Variants in PLEKHA6 observed in about 807,000 individuals in gnomAD.
The protein encoded by PLEKHA6 is pleckstrin homology domain containing A6.
In PLEKHA6, 60 loss-of-function variants were observed where a neutral mutation model predicts 116.7. The ratio of observed to expected loss-of-function variants is 0.51; its 90% CI spans 0.42 to 0.64. PLEKHA6 has a LOEUF of 0.64. Ranked by LOEUF, PLEKHA6 falls within the 30% of genes least tolerant of loss-of-function variation. The pLI, the probability that PLEKHA6 is intolerant of heterozygous loss-of-function variation, is 0.00. For synonymous variants in PLEKHA6, 489 were observed against 556.1 expected (o/e 0.88, Z 1.70); for missense variants, 1,338 against 1,422.7 (o/e 0.94, Z 0.96).
intron 1 of PLEKHA6, among the ~76,000 whole-genome samples, chr1:204,303,051 C>T (rs1334621631): frequency 6.6e-6 from 1 of 152,182 alleles, no homozygotes; most frequent in African/African-American, 2.4e-5. Context: ...TCTTTCCCCC[C>T]TCTGCTAGTT....
chr1:204,257,526 G>C lies in PLEKHA6; in HGVS notation c.1351C>G (p.Pro451Ala), dbSNP rs746687005. ...SSSLRRLSLQ[P>A]RSHSVPRSPS... Reference sequence around the variant, plus strand: ...GAGCGGGGCACAGAGTGGGAGCGGGGCTGCAGGGACAGGCGGCGCAGGGAG... The same window carrying C: ...GAGCGGGGCACAGAGTGGGAGCGGGCCTGCAGGGACAGGCGGCGCAGGGAG... Residue 451 changes from proline to alanine, a missense_variant, in exon 9 of 23, where the codon CCC becomes GCC. Physicochemically the swap from Pro to Ala is conservative, Grantham distance 27 (BLOSUM62 -1). Around this residue, in one of 3 missense-constraint regions of PLEKHA6, gnomAD observed 1,136 missense variants for 1,163.6 expected, o/e 0.98. Transcript: ENST00000272203. The surrounding 1 kb of genome is among the most constrained non-coding windows in gnomAD (Gnocchi z 6.5). 10 of 1,593,732 alleles carry C rather than the reference G, an allele frequency of 6.3e-6. No individual in the cohort carries two copies. The East Asian group carries it at 2.3e-4, about 36-fold the overall frequency.
At chr1:204,328,853 T>C (rs893485692) in intron 1 of PLEKHA6, among the ~76,000 whole-genome samples, 3 of 152,248 alleles carry the variant, frequency 2.0e-5, no homozygotes, top group Non-Finnish European at 2.9e-5. Flanking sequence ...TCTTTGTTTA[T>C]ATCATCTCAC....
At chr1:204,304,089 C>T (rs1199424299) in intron 1 of PLEKHA6, among the ~76,000 whole-genome samples, 2 of 152,192 alleles carry the variant, frequency 1.3e-5, no homozygotes, top group Non-Finnish European at 2.9e-5. Flanking sequence ...ATGTTCTTGA[C>T]TTCAACCACC....
At chr1:204,367,426 C>T in intron 3 of PLEKHA6, among the ~76,000 whole-genome samples, 1 of 152,200 alleles carries the variant, frequency 6.6e-6, no homozygotes, top group East Asian at 1.9e-4. Context: ...CTTCCCACTG[C>T]CTCCACATCC....
chr1:204,281,602 C>T (rs975811653), intron 1 of PLEKHA6, among the ~76,000 whole-genome samples: 3 of 152,154 alleles, frequency 2.0e-5, no homozygotes, highest in African/African-American at 7.2e-5. Context: ...CTAAAAACAA[C>T]AACCCCTACT....
intron 1 of PLEKHA6, among the ~76,000 whole-genome samples, chr1:204,316,097 C>T (rs981127533): frequency 9.9e-5 from 15 of 152,154 alleles, no homozygotes; most frequent in East Asian, 7.7e-4. Flanking sequence ...TAATGCAATG[C>T]GCGAGGTGGC....
At chr1:204,290,284 T>C (rs79817804) in intron 1 of PLEKHA6, among the ~76,000 whole-genome samples, 1,826 of 152,320 alleles carry the variant, frequency 0.012, 25 homozygotes, top group African/African-American at 0.04. Context: ...TCAAGACTTA[T>C]TATAAAGCTA....
chr1:204,367,239 G>A (rs561888307), intron 3 of PLEKHA6, among the ~76,000 whole-genome samples: 2 of 152,208 alleles, frequency 1.3e-5, no homozygotes, highest in Admixed American at 1.3e-4. Flanking sequence ...GGAAATAAGG[G>A]CTCCCCAGCC....
At chr1:204,337,084 A>G (rs1371177998) in intron 1 of PLEKHA6, among the ~76,000 whole-genome samples, 3 of 152,232 alleles carry the variant, frequency 2.0e-5, no homozygotes, top group African/African-American at 7.2e-5. Flanking sequence ...AGGGAAGGGT[A>G]TGAGAAGAGT....
At chr1:204,237,137 G>C (rs1662173561) in intron 17 of PLEKHA6, among the ~76,000 whole-genome samples, 1 of 152,184 alleles carries the variant, frequency 6.6e-6, no homozygotes, top group South Asian at 2.1e-4. Flanking sequence ...AGCTTATGGA[G>C]GTCAGGTAAT....
At chr1:204,345,535 C>A (rs948541531) in intron 1 of PLEKHA6, among the ~76,000 whole-genome samples, 1 of 152,124 alleles carries the variant, frequency 6.6e-6, no homozygotes, top group Non-Finnish European at 1.5e-5. Context: ...TTCCCGCCCC[C>A]CTCAGGTCTG....
At position 204,273,660 on chromosome 1, in the gene PLEKHA6, A is replaced by G. The variant is rs1244674522; in HGVS notation, c.68T>C (p.Val23Ala). ...GGGCCGCTCTGGAGGGACCTCGGACACCATGTTGTGGTTGGGTATGTCACT... is the reference window on the plus strand; with the variant it reads ...GGGCCGCTCTGGAGGGACCTCGGACGCCATGTTGTGGTTGGGTATGTCACT... ...TNSDIPNHNM[V>A]SEVPPERPSV... The change falls in exon 3 of 23, where the codon GTG becomes GCG. Residue 23 changes from valine to alanine, a missense_variant. Val to Ala is a moderately conservative substitution (Grantham distance 64). This residue lies in a region of PLEKHA6 where 62 missense variants were observed against 61.7 expected (regional missense o/e 1.01). Transcript: ENST00000272203. 4 of 1,614,174 alleles carry G rather than the reference A, an allele frequency of 2.5e-6. No individual in the cohort carries two copies. The highest frequency in any genetic ancestry group is 3.4e-6 in the Non-Finnish European group (4 of 1,180,022).
chr1:204,364,119 A>G (rs189316580), upstream of PLEKHA6, among the ~76,000 whole-genome samples: 240 of 152,304 alleles, frequency 1.6e-3, 1 homozygote, highest in South Asian at 0.013. Flanking sequence ...CCTCATCCAC[A>G]CTAAAAGAAA....
At chr1:204,313,856 A>G (rs1671755537) in intron 1 of PLEKHA6, 1 of 210,380 alleles carries the variant, frequency 4.8e-6, no homozygotes, top group African/African-American at 2.4e-5. Flanking sequence ...TCTTACAGGC[A>G]GCTCCCTCCC....
chr1:204,230,476 C>G lies in PLEKHA6; in HGVS notation c.2520G>C (p.Arg840=). Residue 840 remains arginine, a synonymous_variant, in exon 18 of 23, where the codon CGG becomes CGC. Coordinates refer to ENST00000272203, the MANE Select transcript of PLEKHA6 (RefSeq NM_014935.5). ...GGCTGGCCGGGAGCTGCAGGCTCCT[C>G]CGCTTCTCCCTCATGGAGCCACTCT... ...RHQSGSMREK[R]RSLQLPASPA... 2.5e-6 allele frequency: 4 copies of G among 1,581,784 alleles called. No individual in the cohort carries two copies. The highest frequency in any genetic ancestry group is 3.4e-6 in the Non-Finnish European group (4 of 1,163,654).
chr1:204,317,620 C>A (rs966922661), intron 1 of PLEKHA6, among the ~76,000 whole-genome samples: 15 of 152,214 alleles, frequency 9.9e-5, no homozygotes, highest in African/African-American at 3.4e-4. Context: ...CCTCTAACTA[C>A]CCTGTCTTAC....
chr1:204,365,653 T>A (rs1173070714), intron 3 of PLEKHA6, among the ~76,000 whole-genome samples: 1 of 152,218 alleles, frequency 6.6e-6, no homozygotes, highest in African/African-American at 2.4e-5. Context: ...CCTGTGTTGT[T>A]TGTCTCCCAA....
chr1:204,306,974 A>G (rs1671371943), intron 1 of PLEKHA6, among the ~76,000 whole-genome samples: 1 of 152,220 alleles, frequency 6.6e-6, no homozygotes, highest in Non-Finnish European at 1.5e-5. Context: ...GGGAGAAAAT[A>G]GTCACCTTCT....
chr1:204,242,672 C>T (rs566866790), intron 15 of PLEKHA6, among the ~76,000 whole-genome samples: 3 of 152,298 alleles, frequency 2.0e-5, no homozygotes, highest in Admixed American at 2.0e-4. Context: ...ACTACAGGGA[C>T]TCATGAAACC....
Sources: allele counts gnomAD v4.1 joint callset (sites outside exome capture counted in the v4.1 genomes callset), GRCh38; gene constraint gnomAD v4.1.1; regional missense constraint gnomAD v4.1.1; non-coding constraint Gnocchi (gnomAD v3.1); transcripts MANE v1.5; gene names NCBI Gene and HGNC (gene_info 2026-07-23, HGNC 2026-07-21).